Variants in AGBL4 observed in about 807,000 individuals in gnomAD.
AGBL4 encodes cytosolic carboxypeptidase 6.
A neutral mutation model predicts 66.4 loss-of-function variants in AGBL4; 58 were observed. That is an observed-to-expected ratio of 0.87 (90% confidence interval 0.71 to 1.09). AGBL4 has a LOEUF of 1.09. Among genes scored for constraint, AGBL4 ranks in the 50% least tolerant of loss-of-function variants. The pLI is 0.00. For synonymous variants in AGBL4, 234 were observed against 222.9 expected, an observed-to-expected ratio of 1.05 and a Z score of -0.44; for missense variants, 579 against 631.0, an observed-to-expected ratio of 0.92 and a Z score of 0.88.
intron 3 of AGBL4, among the ~76,000 whole-genome samples, chr1:49,541,024 T>C (rs1651970295): frequency 1.3e-5 from 2 of 152,202 alleles, no homozygotes; most frequent in African/African-American, 2.4e-5. Context: ...TTTTGTATCA[T>C]ACAAAATGAA....
At chr1:49,862,905 T>C (rs1646609268) in intron 1 of AGBL4, among the ~76,000 whole-genome samples, 1 of 152,108 alleles carries the variant, frequency 6.6e-6, no homozygotes, top group African/African-American at 2.4e-5. Flanking sequence ...CTAAATGAAG[T>C]AGTTCAATCA....
intron 6 of AGBL4, among the ~76,000 whole-genome samples, chr1:48,858,928 T>C (rs1271723074): frequency 6.6e-6 from 1 of 152,128 alleles, no homozygotes; most frequent in East Asian, 1.9e-4. Context: ...ATAAAGTATA[T>C]TAGTCATTGA....
intron 5 of AGBL4, among the ~76,000 whole-genome samples, chr1:49,037,699 A>G (rs1342608539): frequency 6.6e-6 from 1 of 151,998 alleles, no homozygotes; most frequent in African/African-American, 2.4e-5. Context: ...TTCTCTGCCC[A>G]CTACTTGTAT....
At chr1:49,713,953 C>T (rs1379475626) in intron 2 of AGBL4, among the ~76,000 whole-genome samples, 1 of 151,862 alleles carries the variant, frequency 6.6e-6, no homozygotes, top group African/African-American at 2.4e-5. Context: ...ATTTTAACCA[C>T]GAATAACTAC....
chr1:49,452,482 T>G (rs1646298716), intron 3 of AGBL4, among the ~76,000 whole-genome samples: 1 of 151,928 alleles, frequency 6.6e-6, no homozygotes. Context: ...CATCAGTCAC[T>G]CCTTCTCCCA....
chr1:49,433,973 A>C (rs907363450), intron 3 of AGBL4, among the ~76,000 whole-genome samples: 2 of 152,216 alleles, frequency 1.3e-5, no homozygotes, highest in Admixed American at 1.3e-4. Flanking sequence ...GGTCAATAAA[A>C]GTCAGTAAGA....
intron 3 of AGBL4, among the ~76,000 whole-genome samples, chr1:49,693,488 T>G (rs1050260585): frequency 6.6e-6 from 1 of 152,032 alleles, no homozygotes; most frequent in Non-Finnish European, 1.5e-5. Flanking sequence ...AACATGAAAA[T>G]GTATATACAG....
chr1:48,967,717 GAAGA>G (rs1252084582), intron 5 of AGBL4, among the ~76,000 whole-genome samples: 1 of 152,130 alleles, frequency 6.6e-6, no homozygotes, highest in East Asian at 1.9e-4. Context: ...AGGATAGACA[GAAGA>G]AAGAATATGA....
intron 5 of AGBL4, among the ~76,000 whole-genome samples, chr1:48,980,762 T>C (rs1659702457): frequency 2.6e-5 from 1 of 39,104 alleles, no homozygotes. Flanking sequence ...TATATATATA[T>C]ATATATATAT....
In AGBL4 at chr1:49,192,447, C is replaced by T. The variant is rs560592557; in HGVS notation, c.377+53323G>A. On this transcript the variant is annotated intron_variant, in intron 4 of 13. Coordinates refer to ENST00000371839, the MANE Select transcript of AGBL4 (RefSeq NM_032785.4). ...CAGAGTAGCTGGGATTATAGGCACA[C>T]GCCACCACACCCAGCTAAATTTTGT... Among the ~76,000 whole-genome samples the T allele has an allele frequency of 1.2e-4, 19 of 152,216 alleles. No homozygotes were observed. In the East Asian group the frequency reaches 2.5e-3, roughly 20 times the overall value.
chr1:49,357,275 T>C (rs1644039500), intron 3 of AGBL4, among the ~76,000 whole-genome samples: 1 of 152,204 alleles, frequency 6.6e-6, no homozygotes, highest in Admixed American at 6.5e-5. Flanking sequence ...CATCTTCACA[T>C]TGAGACTATT....
intron 3 of AGBL4, among the ~76,000 whole-genome samples, chr1:49,552,118 C>T (rs1571011755): frequency 6.6e-6 from 1 of 152,106 alleles, no homozygotes; most frequent in East Asian, 1.9e-4. Flanking sequence ...CACCCAGCTC[C>T]CATGCAAACT....
intron 5 of AGBL4, among the ~76,000 whole-genome samples, chr1:48,915,314 T>C (rs1264507293): frequency 2.6e-5 from 4 of 152,208 alleles, no homozygotes; most frequent in Non-Finnish European, 4.4e-5. Flanking sequence ...GGTGAAGTCC[T>C]AGTCATCCTT....
intron 1 of AGBL4, among the ~76,000 whole-genome samples, chr1:50,008,450 A>C (rs1661297603): frequency 6.6e-6 from 1 of 152,256 alleles, no homozygotes; most frequent in South Asian, 2.1e-4. Flanking sequence ...AAGAAATTGA[A>C]CATTTTCTTA....
chr1:49,369,877 A>G (rs1418391133), intron 3 of AGBL4, among the ~76,000 whole-genome samples: 1 of 151,906 alleles, frequency 6.6e-6, no homozygotes, highest in East Asian at 1.9e-4. Flanking sequence ...AAAGCTCACG[A>G]AAATGAAGAC....
chr1:49,766,800 T>C (rs1023593228), intron 2 of AGBL4, among the ~76,000 whole-genome samples: 6 of 151,770 alleles, frequency 4.0e-5, no homozygotes, highest in Admixed American at 3.3e-4. Context: ...TTATATCAAA[T>C]AAAATAGACT....
At chr1:49,202,074 A>G (rs897444595) in intron 4 of AGBL4, among the ~76,000 whole-genome samples, 4 of 152,166 alleles carry the variant, frequency 2.6e-5, no homozygotes, top group African/African-American at 9.7e-5. Flanking sequence ...TCTCCTTAGC[A>G]GTAGAATAAC....
intron 5 of AGBL4, among the ~76,000 whole-genome samples, chr1:48,900,300 G>T (rs763390109): frequency 1.7e-4 from 26 of 152,168 alleles, no homozygotes; most frequent in African/African-American, 5.1e-4. Context: ...AGCCATTAAA[G>T]AATTTTTAAA....
chr1:48,903,277 C>T (rs1652266935), intron 5 of AGBL4, among the ~76,000 whole-genome samples: 1 of 152,164 alleles, frequency 6.6e-6, no homozygotes, highest in Non-Finnish European at 1.5e-5. Flanking sequence ...TGGAACCCTC[C>T]CAGAATCTGA....
Sources: allele counts gnomAD v4.1 joint callset (sites outside exome capture counted in the v4.1 genomes callset), GRCh38; gene constraint gnomAD v4.1.1; transcripts MANE v1.5; gene names NCBI Gene and HGNC (gene_info 2026-07-23, HGNC 2026-07-21).